MAGI2: variants seen among roughly 807,000 people sequenced by gnomAD.
MAGI2 encodes membrane-associated guanylate kinase, WW and PDZ domain-containing protein 2.
A neutral mutation model predicts 133.3 loss-of-function variants in MAGI2; 35 were observed. The observed-to-expected ratio is 0.26, with a 90% CI of 0.20 to 0.35. The LOEUF is 0.35. Among genes scored for constraint, MAGI2 ranks in the 10% least tolerant of loss-of-function variants. The probability of loss-of-function intolerance (pLI) is 1.00; values close to 1 mark genes in which losing one functional copy is unlikely to be tolerated. For missense variants in MAGI2, 1,636 were observed against 1,863.4 expected (o/e 0.88, Z 2.25); for synonymous variants, 729 against 710.6 (o/e 1.03, Z -0.41).
chr7:79,108,461 G>A (rs972150991), intron 1 of MAGI2, among the ~76,000 whole-genome samples: 1 of 152,168 alleles, frequency 6.6e-6, no homozygotes. Context: ...CAACAGACAT[G>A]TAGAAATATC....
intron 1 of MAGI2, among the ~76,000 whole-genome samples, chr7:79,287,113 T>C (rs1268261818): frequency 6.6e-6 from 1 of 152,046 alleles, no homozygotes; most frequent in Non-Finnish European, 1.5e-5. Flanking sequence ...CAGAGGGTGG[T>C]CCTTGAACTA....
intron 20 of MAGI2, among the ~76,000 whole-genome samples, chr7:78,083,964 A>T (rs1390863259): frequency 6.6e-6 from 1 of 152,216 alleles, no homozygotes; most frequent in African/African-American, 2.4e-5. Flanking sequence ...TGAAATATTT[A>T]TAAGAATTAG....
intron 1 of MAGI2, among the ~76,000 whole-genome samples, chr7:79,294,678 T>C (rs1250754963): frequency 6.6e-6 from 1 of 151,758 alleles, no homozygotes; most frequent in Non-Finnish European, 1.5e-5. Flanking sequence ...TTAATTTAAT[T>C]GTGCTATGTT....
At chr7:79,122,404 A>G (rs1819984217) in intron 1 of MAGI2, among the ~76,000 whole-genome samples, 1 of 152,180 alleles carries the variant, frequency 6.6e-6, no homozygotes, top group Non-Finnish European at 1.5e-5. Context: ...AAACACTGTC[A>G]ACTCTTGAAA....
At chr7:78,912,882 C>T (rs368720967) in intron 2 of MAGI2, among the ~76,000 whole-genome samples, 2 of 147,428 alleles carry the variant, frequency 1.4e-5, no homozygotes, top group African/African-American at 5.0e-5. Context: ...TAATTCTGTC[C>T]CTCTGGTGAA....
chr7:79,090,850 G>C (rs1315369884), intron 1 of MAGI2, among the ~76,000 whole-genome samples: 1 of 152,132 alleles, frequency 6.6e-6, no homozygotes, highest in East Asian at 1.9e-4. Flanking sequence ...AATTCTGATA[G>C]TGTATTAAAT....
chr7:79,105,360 TAAAC>T (rs2129543532), intron 1 of MAGI2, among the ~76,000 whole-genome samples: 1 of 152,234 alleles, frequency 6.6e-6, no homozygotes, highest in South Asian at 2.1e-4. Flanking sequence ...ATGCTTATAT[TAAAC>T]AGATAGAAAA....
intron 20 of MAGI2, among the ~76,000 whole-genome samples, chr7:78,082,796 G>A (rs989989601): frequency 2.0e-5 from 3 of 152,146 alleles, no homozygotes; most frequent in Admixed American, 6.5e-5. Context: ...GACTCACGGG[G>A]ACCTGGTTTC....
intron 11 of MAGI2, among the ~76,000 whole-genome samples, chr7:78,200,833 A>G (rs968305694): frequency 5.9e-5 from 9 of 152,192 alleles, no homozygotes; most frequent in Non-Finnish European, 1.5e-5. Context: ...TAAAAATTCC[A>G]TGTTATGAAG....
At chr7:78,907,499 G>A (rs567079450) in intron 2 of MAGI2, among the ~76,000 whole-genome samples, 9 of 152,130 alleles carry the variant, frequency 5.9e-5, no homozygotes, top group African/African-American at 2.2e-4. Context: ...TTCCAAGCTC[G>A]CTAAGTGAAA....
At chr7:79,268,098 C>T (rs1266200980) in intron 1 of MAGI2, among the ~76,000 whole-genome samples, 1 of 152,254 alleles carries the variant, frequency 6.6e-6, no homozygotes, top group East Asian at 1.9e-4. Flanking sequence ...GATAAGAGAA[C>T]TTCAGAGACA....
intron 2 of MAGI2, among the ~76,000 whole-genome samples, chr7:78,637,312 C>G (rs895731638): frequency 1.3e-5 from 2 of 151,958 alleles, no homozygotes; most frequent in Non-Finnish European, 2.9e-5. Context: ...TTATAAATAT[C>G]TTTATTATTT....
At chr7:78,299,411 A>G (rs1447651459) in intron 9 of MAGI2, among the ~76,000 whole-genome samples, 1 of 152,232 alleles carries the variant, frequency 6.6e-6, no homozygotes, top group East Asian at 1.9e-4. Flanking sequence ...TAATGGCTGT[A>G]AACATTATGG....
At chr7:79,192,884 G>C (rs931580950) in intron 1 of MAGI2, among the ~76,000 whole-genome samples, 1 of 151,850 alleles carries the variant, frequency 6.6e-6, no homozygotes, top group Non-Finnish European at 1.5e-5. Context: ...TGTTGGGGGA[G>C]AGAGCAAAAC....
intron 1 of MAGI2, among the ~76,000 whole-genome samples, chr7:79,437,110 C>T (rs1848195581): frequency 6.6e-6 from 1 of 151,986 alleles, no homozygotes; most frequent in Admixed American, 6.6e-5. Flanking sequence ...AACCAAATAC[C>T]ACATATTATC....
At chr7:78,034,676 C>T (rs1212454104) in intron 21 of MAGI2, among the ~76,000 whole-genome samples, 3 of 152,090 alleles carry the variant, frequency 2.0e-5, no homozygotes, top group Non-Finnish European at 2.9e-5. Flanking sequence ...TACAGTTGTG[C>T]ACCACCACGC....
At chr7:78,513,222 A>C (rs61051787) in intron 4 of MAGI2, among the ~76,000 whole-genome samples, 5,253 of 152,260 alleles carry the variant, frequency 0.035, 301 homozygotes, top group African/African-American at 0.12. Flanking sequence ...AATTAGGAAG[A>C]CTTTAAATTT....
At chr7:79,422,825 T>C (rs1054257950) in intron 1 of MAGI2, among the ~76,000 whole-genome samples, 1 of 152,038 alleles carries the variant, frequency 6.6e-6, no homozygotes, top group Non-Finnish European at 1.5e-5. Flanking sequence ...GCAATAAATA[T>C]AGAATGCCAA....
chr7:78,202,727 T>A (rs962607099), intron 10 of MAGI2, among the ~76,000 whole-genome samples: 1 of 149,702 alleles, frequency 6.7e-6, no homozygotes, highest in African/African-American at 2.5e-5. Flanking sequence ...TAATCCATCA[T>A]GTTTCTTAGC....
Sources: gnomAD v4.1 joint callset for allele counts (sites outside exome capture counted in the v4.1 genomes callset) on GRCh38, gnomAD v4.1.1 for gene constraint, MANE v1.5 for transcripts, NCBI Gene and HGNC (gene_info 2026-07-23, HGNC 2026-07-21) for gene names.